IL1RAPL2: variants seen among roughly 807,000 people sequenced by gnomAD.
IL1RAPL2 encodes interleukin 1 receptor accessory protein like 2.
IL1RAPL2 carries 3 observed loss-of-function variants against 44.1 expected under a neutral mutation model. That is an observed-to-expected ratio of 0.07 (90% CI 0.03 to 0.18). The LOEUF (loss-of-function observed/expected upper bound fraction) is 0.18. Among genes scored for constraint, IL1RAPL2 ranks in the 10% least tolerant of loss-of-function variants. IL1RAPL2 has a pLI of 1.00. For synonymous variants in IL1RAPL2, 181 were observed against 178.8 expected (o/e 1.01, Z -0.10); for missense variants, 391 against 496.4 (o/e 0.79, Z 2.02).
intron 6 of IL1RAPL2, among the ~76,000 whole-genome samples, chrX:105,607,638 A>G (rs561824055): frequency 2.6e-4 from 25 of 98,003 alleles, no homozygotes; most frequent in Non-Finnish European, 5.0e-4. Flanking sequence ...CAGCAGACAA[A>G]AAAAAAAAAA....
At chrX:105,133,486 ATG>A (rs915065051) in intron 2 of IL1RAPL2, among the ~76,000 whole-genome samples, 3 of 111,528 alleles carry the variant, frequency 2.7e-5, no homozygotes, top group African/African-American at 9.8e-5. Flanking sequence ...AATGCATCTG[ATG>A]TGTGTGTGTG....
At chrX:105,502,647 AC>A (rs2036403771) in intron 6 of IL1RAPL2, among the ~76,000 whole-genome samples, 1 of 110,338 alleles carries the variant, frequency 9.1e-6, no homozygotes. Context: ...AACCCCCCAA[AC>A]CTTTTTCATA....
At chrX:105,280,595 G>A (rs1232304975) in intron 5 of IL1RAPL2, among the ~76,000 whole-genome samples, 6 of 109,220 alleles carry the variant, frequency 5.5e-5, no homozygotes, top group Non-Finnish European at 7.7e-5. Flanking sequence ...AAAAAAAAAC[G>A]CATCAAAAAG....
chrX:105,342,109 C>T (rs1317625777), intron 5 of IL1RAPL2, among the ~76,000 whole-genome samples: 1 of 92,842 alleles, frequency 1.1e-5, no homozygotes, highest in Admixed American at 1.4e-4. Context: ...AATTGAACAA[C>T]GAGATCACAT....
chrX:105,400,105 C>T (rs1330814038), intron 5 of IL1RAPL2, among the ~76,000 whole-genome samples: 1 of 111,632 alleles, frequency 9.0e-6, no homozygotes, highest in Non-Finnish European at 1.9e-5. Flanking sequence ...ACCTTACAAA[C>T]CATGTTAATG....
At chrX:105,500,010 A>T (rs1272734098) in intron 6 of IL1RAPL2, among the ~76,000 whole-genome samples, 2 of 112,219 alleles carry the variant, frequency 1.8e-5, no homozygotes, top group Non-Finnish European at 3.8e-5. Context: ...AAAAAGAAGG[A>T]CATCCTGTCC....
At chrX:104,866,728 C>A (rs187868516) in intron 2 of IL1RAPL2, among the ~76,000 whole-genome samples, 62 of 111,597 alleles carry the variant, frequency 5.6e-4, no homozygotes, top group African/African-American at 1.9e-3. Flanking sequence ...TGAATATAAT[C>A]GATTTCTATG....
At chrX:104,950,551 C>A (rs1049750046) in intron 2 of IL1RAPL2, among the ~76,000 whole-genome samples, 2 of 112,497 alleles carry the variant, frequency 1.8e-5, no homozygotes, top group African/African-American at 6.5e-5. Context: ...TGGGCAGTGA[C>A]GGGCGCCCCT....
At chrX:105,452,685 T>C (rs959615666) in intron 5 of IL1RAPL2, among the ~76,000 whole-genome samples, 6 of 111,127 alleles carry the variant, frequency 5.4e-5, no homozygotes, top group African/African-American at 2.0e-4. Flanking sequence ...GGGGGGGACA[T>C]TGATTGTCTT....
At chrX:105,132,487 GA>G (rs1175231504) in intron 2 of IL1RAPL2, among the ~76,000 whole-genome samples, 1 of 110,146 alleles carries the variant, frequency 9.1e-6, no homozygotes, top group Non-Finnish European at 1.9e-5. Flanking sequence ...ATTTTCAGGG[GA>G]AAAAAAACAC....
At chrX:104,567,895 A>G (rs1928070592) in intron 1 of IL1RAPL2, among the ~76,000 whole-genome samples, 1 of 112,389 alleles carries the variant, frequency 8.9e-6, no homozygotes, top group Non-Finnish European at 1.9e-5. Context: ...AATGTGTATT[A>G]TAACAAATGT....
chrX:104,578,745 T>A (rs2147991086), intron 1 of IL1RAPL2, among the ~76,000 whole-genome samples: 1 of 111,730 alleles, frequency 9.0e-6, no homozygotes, highest in South Asian at 3.8e-4. Context: ...CATGAGTTTT[T>A]AATGATCTGT....
At chrX:104,902,280 CTTACCAAGTACTT>C (rs1923842376) in intron 2 of IL1RAPL2, among the ~76,000 whole-genome samples, 4 of 112,020 alleles carry the variant, frequency 3.6e-5, no homozygotes, top group Non-Finnish European at 7.5e-5. Flanking sequence ...AAAGCTAATT[CTTACCAAGTACTT>C]TTTGACACAG....
chrX:104,841,849 A>G (rs1479956456), intron 2 of IL1RAPL2, among the ~76,000 whole-genome samples: 1 of 109,164 alleles, frequency 9.2e-6, no homozygotes, highest in Non-Finnish European at 1.9e-5. Context: ...AACTTGGAGA[A>G]TCTAATGATT....
chrX:105,623,099 A>T (rs1288003609), intron 6 of IL1RAPL2, among the ~76,000 whole-genome samples: 1 of 111,454 alleles, frequency 9.0e-6, no homozygotes, highest in Non-Finnish European at 1.9e-5. Context: ...ATTATTGGTC[A>T]AACATTATTC....
chrX:105,243,581 A>G (rs2034192180), intron 4 of IL1RAPL2, among the ~76,000 whole-genome samples: 1 of 91,207 alleles, frequency 1.1e-5, no homozygotes, highest in Non-Finnish European at 2.0e-5. Context: ...ATATATATAT[A>G]TATGTGTATA....
chrX:104,943,508 G>A (rs1462733573), intron 2 of IL1RAPL2, among the ~76,000 whole-genome samples: 1 of 111,570 alleles, frequency 9.0e-6, no homozygotes, highest in Non-Finnish European at 1.9e-5. Context: ...AAATCTTTGA[G>A]TCACCTTGAT....
rs201807411 is a variant in IL1RAPL2 at position 104,905,360 on chromosome X, A to C, written c.82+246365A>C. Among the ~76,000 whole-genome samples the C allele has an allele frequency of 1.8e-5, 2 of 111,249 alleles. 1 individual carries two copies. The highest frequency in any genetic ancestry group is 1.9e-4 in the Admixed American group (2 of 10,482). On this transcript the variant is annotated intron_variant, in intron 2 of 10. Transcript: ENST00000372582. ...TTGTTGTCATTGCTTTTGGTGTTTT[A>C]GACATGAAGTCCTTGCCCATGTCTA... is the stretch of plus-strand genomic sequence containing the variant.
intron 2 of IL1RAPL2, among the ~76,000 whole-genome samples, chrX:104,720,525 G>A (rs188939286): frequency 8.2e-4 from 91 of 111,625 alleles, no homozygotes; most frequent in Admixed American, 2.8e-3. Context: ...AAATCAGGTC[G>A]TAGAAATAAT....
Sources: allele counts gnomAD v4.1 joint callset (sites outside exome capture counted in the v4.1 genomes callset), GRCh38; gene constraint gnomAD v4.1.1; transcripts MANE v1.5; gene names NCBI Gene and HGNC (gene_info 2026-07-23, HGNC 2026-07-21).